NRCAM: variants seen among roughly 807,000 people sequenced by gnomAD.
NRCAM encodes neuronal cell adhesion molecule, also known as NgCAM-related cell adhesion molecule.
A neutral mutation model predicts 156.5 loss-of-function variants in NRCAM; 83 were observed. The observed-to-expected ratio is 0.53, with a 90% CI of 0.44 to 0.64. The LOEUF (loss-of-function observed/expected upper bound fraction) is 0.64. NRCAM is among the 30% of genes least tolerant of loss of function. The pLI, the probability that NRCAM is intolerant of heterozygous loss-of-function variation, is 0.00. For synonymous variants in NRCAM, 538 were observed against 563.9 expected, an observed-to-expected ratio of 0.95 and a Z score of 0.65; for missense variants, 1,417 against 1,597.3, an observed-to-expected ratio of 0.89 and a Z score of 1.92.
At chr7:108,181,001 T>C (rs2063150536) in intron 24 of NRCAM, among the ~76,000 whole-genome samples, 1 of 152,214 alleles carries the variant, frequency 6.6e-6, no homozygotes, top group African/African-American at 2.4e-5. Flanking sequence ...AATCAAACTG[T>C]ATCACTTAGT....
intron 11 of NRCAM, among the ~76,000 whole-genome samples, chr7:108,217,637 G>A (rs2090010773): frequency 6.6e-6 from 1 of 152,202 alleles, no homozygotes; most frequent in Non-Finnish European, 1.5e-5. Flanking sequence ...GGAATCTAGA[G>A]AGGCAGTCTG....
chr7:108,287,461 G>A (rs941278532), intron 3 of NRCAM, among the ~76,000 whole-genome samples: 1 of 151,614 alleles, frequency 6.6e-6, no homozygotes, highest in African/African-American at 2.4e-5. Context: ...CAGAATCTAT[G>A]AGGAACTCAA....
At chr7:108,200,085 T>C (rs2077165568) in intron 13 of NRCAM, among the ~76,000 whole-genome samples, 1 of 152,232 alleles carries the variant, frequency 6.6e-6, no homozygotes, top group Non-Finnish European at 1.5e-5. Context: ...TTCAACACTC[T>C]GATTACCATC....
intron 22 of NRCAM, 115 bp downstream of exon 22, chr7:108,184,126 A>ATTT: frequency 1.9e-6 from 1 of 538,594 alleles, no homozygotes; most frequent in Non-Finnish European, 3.1e-6. Flanking sequence ...ATATATATAT[A>ATTT]TATTTTTTTT....
chr7:108,261,970 C>T (rs757894171), intron 3 of NRCAM, among the ~76,000 whole-genome samples: 3 of 152,130 alleles, frequency 2.0e-5, no homozygotes, highest in Non-Finnish European at 4.4e-5. Flanking sequence ...ACCCTTTCAC[C>T]AGTCCACTGG....
chr7:108,208,946 T>C (rs566741040), intron 12 of NRCAM, among the ~76,000 whole-genome samples: 2 of 152,332 alleles, frequency 1.3e-5, no homozygotes, highest in Non-Finnish European at 2.9e-5. Flanking sequence ...TGTTCATTAG[T>C]GTCCAGCATA....
intron 1 of NRCAM, among the ~76,000 whole-genome samples, chr7:108,444,898 AATG>A (rs1563840299): frequency 6.6e-6 from 1 of 152,198 alleles, no homozygotes; most frequent in Non-Finnish European, 1.5e-5. Context: ...CCAGGTCAAT[AATG>A]ATTACAATTT....
intron 17 of NRCAM, 27 bp from the exon 18 acceptor site, chr7:108,191,880 CT>C: frequency 6.2e-7 from 1 of 1,603,910 alleles, no homozygotes; most frequent in East Asian, 2.2e-5. Flanking sequence ...TTCAGAGCAG[CT>C]GAAATGGACA....
In NRCAM at chr7:108,149,946, T is replaced by G; in HGVS notation, c.3879A>C (p.Ala1293=). The change falls in exon 33 of 33, where the codon GCA becomes GCC. Residue 1293 remains alanine, a synonymous_variant. Coordinates refer to ENST00000379028, the MANE Select transcript of NRCAM (RefSeq NM_001037132.4). ...AATTCATGGCGTTGACAGGAGAAGG[T>G]GCCTCTGAGCTTTCGTTTCCTTCAG... is the stretch of plus-strand genomic sequence containing the variant. ...EPAEGNESSE[A]PSPVNAMNSF... is the part of the protein sequence containing the mutation. The G allele has an allele frequency of 6.2e-7, 1 of 1,613,042 alleles. No homozygotes were observed. The highest frequency in any genetic ancestry group is 8.5e-7 in the Non-Finnish European group (1 of 1,179,718).
chr7:108,156,173 C>T (rs1283418224), intron 32 of NRCAM: 7 of 350,284 alleles, frequency 2.0e-5, no homozygotes, highest in South Asian at 2.3e-4. Context: ...ATGTATATAA[C>T]GAATGTGACA....
In NRCAM at chr7:108,198,061, T is replaced by A. The variant is rs1324151533; in HGVS notation, c.1246A>T (p.Thr416Ser). ...TCTTGAACATTTGAAAAAATAATGG[T>A]ATCGCCATCTATTTTTCTGCTGGGG... ...DDPSRKIDGD[T>S]IIFSNVQERS... Residue 416 changes from threonine (T) to serine (S), a missense_variant, in exon 14 of 33, where the codon ACC becomes TCC. By Grantham distance (58) the Thr-to-Ser change is moderately conservative (BLOSUM62 1). Around this residue, in one of 2 missense-constraint regions of NRCAM, gnomAD observed 1,238 missense variants for 1,336.4 expected, o/e 0.93. Coordinates refer to ENST00000379028, the MANE Select transcript of NRCAM (RefSeq NM_001037132.4). The A allele has an allele frequency of 6.2e-7, 1 of 1,607,486 alleles. No homozygotes were observed. Among genetic ancestry groups the A allele is most frequent in the Non-Finnish European group, 8.5e-7 (1 of 1,177,140 alleles).
intron 1 of NRCAM, among the ~76,000 whole-genome samples, chr7:108,455,959 G>T (rs1856886056): frequency 6.6e-6 from 1 of 152,216 alleles, no homozygotes; most frequent in Non-Finnish European, 1.5e-5. Context: ...GCTGGAGGGG[G>T]TGGTGGGTGC....
At chr7:108,417,736 CT>C (rs941306631) in intron 1 of NRCAM, among the ~76,000 whole-genome samples, 10 of 152,058 alleles carry the variant, frequency 6.6e-5, no homozygotes, top group African/African-American at 9.7e-5. Context: ...TTTCTTTTCT[CT>C]GCTCTTCTCT....
At chr7:108,290,716 C>T (rs1034381596) in intron 3 of NRCAM, among the ~76,000 whole-genome samples, 16 of 152,096 alleles carry the variant, frequency 1.1e-4, no homozygotes, top group Non-Finnish European at 5.9e-5. Flanking sequence ...GAACTGTAAT[C>T]GTTTTTTAGA....
chr7:108,238,878 C>T (rs900933851), intron 4 of NRCAM, among the ~76,000 whole-genome samples: 1 of 151,958 alleles, frequency 6.6e-6, no homozygotes, highest in African/African-American at 2.4e-5. Context: ...CAAACCACAT[C>T]TCTTCTTAAT....
chr7:108,266,058 C>CT (rs1488157647), intron 3 of NRCAM, among the ~76,000 whole-genome samples: 1 of 152,052 alleles, frequency 6.6e-6, no homozygotes, highest in East Asian at 1.9e-4. Flanking sequence ...TAAATTTTTT[C>CT]TTTTTTTCAT....
chr7:108,402,252 C>T (rs1051581432), intron 1 of NRCAM, among the ~76,000 whole-genome samples: 6 of 152,226 alleles, frequency 3.9e-5, no homozygotes, highest in African/African-American at 1.4e-4. Context: ...TCGCAGTTTG[C>T]TGTCCCATTA....
intron 2 of NRCAM, among the ~76,000 whole-genome samples, chr7:108,363,237 G>A (rs2099570716): frequency 1.3e-5 from 2 of 152,140 alleles, no homozygotes; most frequent in Admixed American, 1.3e-4. Context: ...AATAATTTAT[G>A]CAGATACTCC....
chr7:108,240,804 A>G (rs1298677848), intron 3 of NRCAM, among the ~76,000 whole-genome samples: 2 of 152,188 alleles, frequency 1.3e-5, no homozygotes, highest in African/African-American at 4.8e-5. Context: ...TCCCTCAAAG[A>G]AAGTCCAATG....
Sources: gnomAD v4.1 joint callset for allele counts (sites outside exome capture counted in the v4.1 genomes callset) on GRCh38, gnomAD v4.1.1 for gene constraint, gnomAD v4.1.1 regional missense constraint, MANE v1.5 for transcripts, NCBI Gene and HGNC (gene_info 2026-07-23, HGNC 2026-07-21) for gene names.